AIF1L: variants seen among roughly 807,000 people sequenced by gnomAD.
AIF1L encodes allograft inflammatory factor 1-like.
In AIF1L, 12 loss-of-function variants were observed where a neutral mutation model predicts 20.7. The observed-to-expected ratio is 0.58, with a 90% CI of 0.37 to 0.94. AIF1L has a LOEUF of 0.94. Ranked by LOEUF, AIF1L falls within the 40% of genes least tolerant of loss-of-function variation. The pLI, the probability that AIF1L is intolerant of heterozygous loss-of-function variation, is 0.01. For missense variants in AIF1L, 173 were observed against 185.3 expected, an observed-to-expected ratio of 0.93 and a Z score of 0.39; for synonymous variants, 76 against 65.1, an observed-to-expected ratio of 1.17 and a Z score of -0.81.
At chr9:131,102,822 G>A (rs930335210) in intron 2 of AIF1L, 32 of 452,368 alleles carry the variant, frequency 7.1e-5, no homozygotes, top group African/African-American at 4.0e-4. Flanking sequence ...CCTACGCCCC[G>A]GCATGGTGCT....
rs1377117310 is a variant in AIF1L, at chr9:131,122,467, GTTTT to G, written c.*2148_*2151del. The G allele has an allele frequency of 7.1e-6, 1 of 140,642 alleles. No homozygotes were observed. Among genetic ancestry groups the G allele is most frequent in the Non-Finnish European group, 1.6e-5 (1 of 63,800 alleles). The allele number at this position is 140,642 out of a possible 1,614,324, so 8.7% of individuals were successfully genotyped here. A position where few individuals can be genotyped will look rare whatever the true frequency, so the allele number is the denominator to read the frequency against. ...CCTACTTCTACCCCCACCCTGCCCT[GTTTT>G]TTGTTTTTTTTTTCCCCAAGATCAT... On this transcript the variant is annotated 3_prime_UTR_variant, in exon 6 of 6. Transcript: ENST00000247291.
chr9:131,102,289 C>T (rs940766873), intron 2 of AIF1L, among the ~76,000 whole-genome samples: 3 of 152,076 alleles, frequency 2.0e-5, no homozygotes, highest in Admixed American at 6.6e-5. Context: ...GTATCTCTGC[C>T]CAGGGGTGTA....
At position 131,097,889 on chromosome 9, in the gene AIF1L, C is replaced by T. The variant is rs372820161; in HGVS notation, c.93+1026C>T. Reference sequence around the variant, plus strand: ...AGCACTCACAGAACTAGCATTATTTCCTGAGGTGGATGTCTCCCAGTTTCC... The same window carrying T: ...AGCACTCACAGAACTAGCATTATTTTCTGAGGTGGATGTCTCCCAGTTTCC... On this transcript the variant is annotated intron_variant, in intron 2 of 5. Coordinates refer to ENST00000247291, the MANE Select transcript of AIF1L (RefSeq NM_031426.4). Among the ~76,000 whole-genome samples, 27 of 152,380 alleles carry T rather than the reference C, an allele frequency of 1.8e-4. No individual in the cohort carries two copies. In the East Asian group the frequency reaches 2.3e-3, roughly 13 times the overall value.
chr9:131,117,943 G>C (rs1831051485), intron 5 of AIF1L, 25 bp downstream of exon 5: 1 of 1,586,172 alleles, frequency 6.3e-7, no homozygotes, highest in Non-Finnish European at 8.6e-7. Context: ...CCTCCCTTGG[G>C]ATCTCTGAAG....
chr9:131,096,899 A>G (rs1564162205), intron 2 of AIF1L, 36 bp downstream of exon 2: 1 of 1,503,254 alleles, frequency 6.7e-7, no homozygotes, highest in Non-Finnish European at 8.8e-7. Flanking sequence ...GCGAGTCCCG[A>G]GCCGCGCGCT....
intron 3 of AIF1L, chr9:131,111,909 C>T: frequency 1.9e-6 from 1 of 534,842 alleles, no homozygotes; most frequent in Non-Finnish European, 3.4e-6. Context: ...TGGCCCTGCC[C>T]CTCTCTCTCC....
chr9:131,105,513 C>T (rs1244419495), intron 2 of AIF1L, among the ~76,000 whole-genome samples: 1 of 151,936 alleles, frequency 6.6e-6, no homozygotes, highest in African/African-American at 2.4e-5. Context: ...ATTACAGGTA[C>T]GTGTGGTTTT....
At chr9:131,111,471 A>C in intron 2 of AIF1L, 126 bp from the exon 3 acceptor site, 1 of 814,740 alleles carries the variant, frequency 1.2e-6, no homozygotes, top group Non-Finnish European at 2.0e-6. Flanking sequence ...GGGGTGAACA[A>C]GGGACAAACT....
chr9:131,116,608 A>G (rs2133405306), intron 4 of AIF1L, among the ~76,000 whole-genome samples: 1 of 152,216 alleles, frequency 6.6e-6, no homozygotes, highest in South Asian at 2.1e-4. Flanking sequence ...GTAGGAATGG[A>G]TTCTAATTTG....
At position 131,120,557 on chromosome 9, in the gene AIF1L, G is replaced by A. The variant is rs759120500; in HGVS notation, c.*235G>A. 11 of 472,722 alleles carry A rather than the reference G, an allele frequency of 2.3e-5. No homozygotes were observed. The highest frequency in any genetic ancestry group is 7.2e-5 in the East Asian group (2 of 27,830). The allele number at this position is 472,722 out of a possible 1,614,324, so 29.3% of individuals were successfully genotyped here. Reference sequence around the variant, plus strand: ...CTTCTTCCCTCCTTCCCCGCTCCCTGTGCAGAAGGGCTGACATCAAACCAA... The same window carrying A: ...CTTCTTCCCTCCTTCCCCGCTCCCTATGCAGAAGGGCTGACATCAAACCAA... On this transcript the variant is annotated 3_prime_UTR_variant, in exon 6 of 6. Coordinates refer to ENST00000247291, the MANE Select transcript of AIF1L (RefSeq NM_031426.4).
chr9:131,110,374 G>A (rs1336414032), intron 2 of AIF1L, among the ~76,000 whole-genome samples: 1 of 152,114 alleles, frequency 6.6e-6, no homozygotes, highest in Non-Finnish European at 1.5e-5. Flanking sequence ...GCATCTGAAG[G>A]GAAGGCAGGC....
At chr9:131,096,907 G>A (rs1271470292) in intron 2 of AIF1L, 44 bp downstream of exon 2, 3 of 1,493,260 alleles carry the variant, frequency 2.0e-6, no homozygotes, top group African/African-American at 1.5e-5. Flanking sequence ...CGAGCCGCGC[G>A]CTGCGCGGGT....
At chr9:131,097,554 T>C (rs561384709) in intron 2 of AIF1L, among the ~76,000 whole-genome samples, 1 of 152,374 alleles carries the variant, frequency 6.6e-6, no homozygotes, top group Admixed American at 6.5e-5. Context: ...ATGCTTTTCT[T>C]GCTGGTCCTG....
chr9:131,110,663 C>T (rs990632007), intron 2 of AIF1L, among the ~76,000 whole-genome samples: 1 of 151,700 alleles, frequency 6.6e-6, no homozygotes, highest in African/African-American at 2.4e-5. Context: ...ACCTCTATGC[C>T]CAACTAATTT....
intron 2 of AIF1L, chr9:131,103,091 A>G: frequency 2.3e-6 from 1 of 435,318 alleles, no homozygotes; most frequent in Non-Finnish European, 4.7e-6. Context: ...GGGTTTGGAA[A>G]CAGCCCCTCC....
At position 131,121,038 on chromosome 9, in the gene AIF1L, G is replaced by C; in HGVS notation, c.*716G>C. On this transcript the variant is annotated 3_prime_UTR_variant, in exon 6 of 6. Coordinates refer to ENST00000247291, the MANE Select transcript of AIF1L (RefSeq NM_031426.4). ...CCTACTGTCCCTTACTGGGGCAGCA[G>C]AGGGCTTCGGAGGCAGAAGTGAGGC... is the stretch of plus-strand genomic sequence containing the variant. 1 of 696,246 alleles carries C rather than the reference G, an allele frequency of 1.4e-6. No individual in the cohort carries two copies. The highest frequency in any genetic ancestry group is 1.6e-5 in the South Asian group (1 of 63,294). 43.1% of individuals were successfully genotyped at this position (696,246 alleles called of 1,614,324 possible).
intron 2 of AIF1L, among the ~76,000 whole-genome samples, chr9:131,098,911 G>A (rs902329099): frequency 4.6e-5 from 7 of 152,164 alleles, no homozygotes; most frequent in Non-Finnish European, 8.8e-5. Context: ...CCGCTGTAGG[G>A]CTGCTGAGGC....
Position 131,117,938 on chromosome 9 carries a change from C to A in AIF1L, c.365+20C>A, listed in dbSNP as rs1831051392. 1.3e-6 allele frequency: 2 copies of A among 1,589,196 alleles called. No homozygotes were observed. Among genetic ancestry groups the A allele is most frequent in the African/African-American group, 1.3e-5 (1 of 74,230 alleles). On this transcript the variant is annotated intron_variant, in intron 5 of 5. Transcript: ENST00000247291. ...CAAGTTGTGAGTACCTCCTTCCTCC[C>A]TTGGGATCTCTGAAGGCAAAATCAT...
chr9:131,108,360 C>T (rs1014117384), intron 2 of AIF1L, among the ~76,000 whole-genome samples: 11 of 151,936 alleles, frequency 7.2e-5, no homozygotes, highest in Admixed American at 2.0e-4. Flanking sequence ...CCCCCATGCC[C>T]GGCTAATTTT....
Sources: gnomAD v4.1 joint callset for allele counts (sites outside exome capture counted in the v4.1 genomes callset) on GRCh38, gnomAD v4.1.1 for gene constraint, MANE v1.5 for transcripts, NCBI Gene and HGNC (gene_info 2026-07-23, HGNC 2026-07-21) for gene names.